Variants in KCNMA1 observed in about 807,000 individuals in gnomAD.
The protein encoded by KCNMA1 is Calcium-activated potassium channel subunit alpha-1.
Under a neutral mutation model 140.0 loss-of-function variants are expected in KCNMA1, and 29 were observed. That is an observed-to-expected ratio of 0.21 (90% CI 0.15 to 0.28). The LOEUF is 0.28. KCNMA1 is among the 10% of genes least tolerant of loss of function. The pLI, the probability that KCNMA1 is intolerant of heterozygous loss-of-function variation, is 1.00. For synonymous variants in KCNMA1, 612 were observed against 611.9 expected, an observed-to-expected ratio of 1.00 and a Z score of 0.00; for missense variants, 880 against 1,602.2, an observed-to-expected ratio of 0.55 and a Z score of 7.70.
chr10:76,947,180 C>CA (rs113200405), intron 22 of KCNMA1, among the ~76,000 whole-genome samples: 25,859 of 150,710 alleles, frequency 0.17, 4,295 homozygotes, highest in East Asian at 0.71. Flanking sequence ...ACTGAAAATA[C>CA]AAAAAAAGTA....
intron 19 of KCNMA1, among the ~76,000 whole-genome samples, chr10:76,987,059 G>C (rs1050018461): frequency 1.6e-5 from 2 of 127,038 alleles, no homozygotes; most frequent in Admixed American, 8.4e-5. Context: ...CTAGCCTTGA[G>C]ACTTTTTTTT....
At chr10:77,133,256 A>G (rs1170527912) in intron 5 of KCNMA1, among the ~76,000 whole-genome samples, 1 of 151,948 alleles carries the variant, frequency 6.6e-6, no homozygotes, top group African/African-American at 2.4e-5. Context: ...ACATAGTTAC[A>G]ATAGCAAAAG....
chr10:77,261,978 G>GTC (rs911740122), intron 2 of KCNMA1, among the ~76,000 whole-genome samples: 5 of 152,178 alleles, frequency 3.3e-5, no homozygotes, highest in African/African-American at 1.2e-4. Context: ...CTGTAGCGTA[G>GTC]TCAGGTCAGA....
At chr10:77,524,572 T>A (rs1051432837) in intron 1 of KCNMA1, among the ~76,000 whole-genome samples, 11 of 152,198 alleles carry the variant, frequency 7.2e-5, no homozygotes, top group African/African-American at 2.2e-4. Context: ...TTTAGAAACC[T>A]CAGCATGGTG....
At chr10:77,493,735 T>C (rs1238847229) in intron 1 of KCNMA1, 1 of 152,172 alleles carries the variant, frequency 6.6e-6, no homozygotes, top group Non-Finnish European at 1.5e-5. Context: ...TGGCTCATGG[T>C]CATAGCCGAG....
At chr10:76,950,192 A>G (rs1183256901) in intron 21 of KCNMA1, among the ~76,000 whole-genome samples, 2 of 152,212 alleles carry the variant, frequency 1.3e-5, no homozygotes, top group Non-Finnish European at 2.9e-5. Context: ...TAAATTTTTC[A>G]TTATATGACT....
downstream of KCNMA1, chr10:76,877,708 C>T (rs1436475678): frequency 6.5e-7 from 1 of 1,546,434 alleles, no homozygotes; most frequent in Non-Finnish European, 8.7e-7. Flanking sequence ...GTTTGTCAGG[C>T]TTTAAAAAAA....
chr10:77,023,366 C>T (rs1009439388), intron 16 of KCNMA1, among the ~76,000 whole-genome samples: 4 of 152,128 alleles, frequency 2.6e-5, no homozygotes, highest in Non-Finnish European at 5.9e-5. Context: ...TTTCTCTCCT[C>T]TCCCTTTCAT....
chr10:77,361,650 C>A (rs961440158), intron 2 of KCNMA1, among the ~76,000 whole-genome samples: 2 of 152,248 alleles, frequency 1.3e-5, no homozygotes, highest in African/African-American at 2.4e-5. Flanking sequence ...AAGGAGCAGG[C>A]GAGTGCAGGA....
intron 1 of KCNMA1, among the ~76,000 whole-genome samples, chr10:77,583,190 T>C (rs980464395): frequency 1.3e-5 from 2 of 152,224 alleles, no homozygotes; most frequent in Non-Finnish European, 2.9e-5. Flanking sequence ...GTCCTGAACC[T>C]TGCTTCTGCT....
intron 3 of KCNMA1, among the ~76,000 whole-genome samples, chr10:77,218,648 C>T (rs1011349454): frequency 3.3e-5 from 5 of 152,268 alleles, no homozygotes; most frequent in Admixed American, 2.6e-4. Flanking sequence ...AATGTGGTCT[C>T]ATTTCAAAAT....
At chr10:77,353,979 GGGTGGT>G (rs1264929436) in intron 2 of KCNMA1, among the ~76,000 whole-genome samples, 1 of 136,364 alleles carries the variant, frequency 7.3e-6, no homozygotes, top group African/African-American at 2.9e-5. Context: ...TTGGGGGGGG[GGGTGGT>G]GGGGGTGGAG....
At chr10:77,444,182 T>C (rs7912055) in intron 1 of KCNMA1, among the ~76,000 whole-genome samples, 10,273 of 152,268 alleles carry the variant, frequency 0.067, 470 homozygotes, top group East Asian at 0.16. Flanking sequence ...AAGGACCGTT[T>C]TGAGACTATG....
intron 2 of KCNMA1, among the ~76,000 whole-genome samples, chr10:77,263,254 GA>G (rs1291472878): frequency 6.6e-6 from 1 of 152,150 alleles, no homozygotes; most frequent in African/African-American, 2.4e-5. Flanking sequence ...TGTAGCCACA[GA>G]GATGTTATGT....
At chr10:77,025,693 C>A (rs2093384628) in intron 16 of KCNMA1, among the ~76,000 whole-genome samples, 1 of 151,440 alleles carries the variant, frequency 6.6e-6, no homozygotes, top group South Asian at 2.1e-4. Flanking sequence ...ATTTTCACAC[C>A]CAGTCAGTTA....
chr10:76,976,657 C>T (rs1002352153), intron 19 of KCNMA1, among the ~76,000 whole-genome samples: 37 of 152,234 alleles, frequency 2.4e-4, no homozygotes, highest in African/African-American at 8.4e-4. Context: ...TATCTAGAAT[C>T]GCAGCTCATA....
At chr10:77,453,395 T>A (rs1231522642) in intron 1 of KCNMA1, among the ~76,000 whole-genome samples, 3 of 148,258 alleles carry the variant, frequency 2.0e-5, no homozygotes, top group African/African-American at 7.5e-5. Context: ...ATAAATAATC[T>A]TATCTCACCA....
At chr10:77,130,632 T>A (rs1438142469) in intron 5 of KCNMA1, among the ~76,000 whole-genome samples, 1 of 152,106 alleles carries the variant, frequency 6.6e-6, no homozygotes, top group Non-Finnish European at 1.5e-5. Flanking sequence ...ATGGTTTATG[T>A]CTGCCCCCTC....
At position 77,295,978 on chromosome 10, in the gene KCNMA1, C is replaced by G. The variant is rs530296805; in HGVS notation, c.541-44722G>C. Among the ~76,000 whole-genome samples the G allele has an allele frequency of 5.3e-5, 8 of 152,070 alleles. No homozygotes were observed. The South Asian group carries it at 1.5e-3, about 28-fold the overall frequency. On this transcript the variant is annotated intron_variant, in intron 2 of 27. Coordinates refer to ENST00000286628, the MANE Select transcript of KCNMA1 (RefSeq NM_001161352.2). ...TTGTAAAAGGGCAAAATGCAGTGCT[C>G]CCTGAGGCTCTGGTAAATAAACCGA...
Sources: gnomAD v4.1 joint callset for allele counts (sites outside exome capture counted in the v4.1 genomes callset) on GRCh38, gnomAD v4.1.1 for gene constraint, MANE v1.5 for transcripts, NCBI Gene and HGNC (gene_info 2026-07-23, HGNC 2026-07-21) for gene names.